DPEP1: variants seen among roughly 807,000 people sequenced by gnomAD.
DPEP1 encodes the protein beta-lactamase.
A neutral mutation model predicts 42.3 loss-of-function variants in DPEP1; 50 were observed. That is an observed-to-expected ratio of 1.18 (90% CI 0.94 to 1.50). The LOEUF is 1.50. Among genes scored for constraint, DPEP1 ranks in the 40% most tolerant of loss-of-function variants. DPEP1 has a pLI of 0.00. For missense variants in DPEP1, 663 were observed against 553.0 expected (o/e 1.20, Z -1.99); for synonymous variants, 297 against 234.0 (o/e 1.27, Z -2.46).
At chr16:89,613,550 T>C (rs1027065444), upstream of DPEP1, 39 of 152,376 alleles carry the variant, frequency 2.6e-4, no homozygotes, top group African/African-American at 9.4e-4. Context: ...CTCTTTCTAC[T>C]TTCAGAGAAC....
At chr16:89,615,240 C>T (rs61230407) in intron 1 of DPEP1, among the ~76,000 whole-genome samples, 5 of 152,200 alleles carry the variant, frequency 3.3e-5, no homozygotes, top group East Asian at 1.9e-4. Flanking sequence ...ACGTAGGCTG[C>T]GGTGGACGGA....
At chr16:89,617,362 C>T (rs570475764) in intron 1 of DPEP1, among the ~76,000 whole-genome samples, 2 of 152,238 alleles carry the variant, frequency 1.3e-5, no homozygotes, top group African/African-American at 2.4e-5. Flanking sequence ...CTCACGAGGC[C>T]ACAGGAGCTC....
chr16:89,620,489 A>C (rs1239891301), intron 1 of DPEP1: 1 of 152,296 alleles, frequency 6.6e-6, no homozygotes, highest in Non-Finnish European at 1.5e-5. Flanking sequence ...AGAGTCCCAG[A>C]AGCCCCTGGG....
intron 1 of DPEP1, among the ~76,000 whole-genome samples, chr16:89,615,827 G>A (rs2059375195): frequency 6.6e-6 from 1 of 152,204 alleles, no homozygotes; most frequent in African/African-American, 2.4e-5. Context: ...GGTGGGGTGT[G>A]AATTGGAGAG....
At position 89,637,280 on chromosome 16, in the gene DPEP1, C is replaced by A; in HGVS notation, c.668C>A (p.Thr223Asn). Reference protein sequence around the residue: ...AHVSVATMKATLQLSRAPVIF... With the variant: ...AHVSVATMKANLQLSRAPVIF... ...GTGTCTGTGGCCACCATGAAGGCCA[C>A]CCTGCAGCTGTCCAGAGCCCCGGTC... The change falls in exon 7 of 11, where the codon ACC becomes AAC. Residue 223 changes from threonine to asparagine, a missense_variant. By Grantham distance (65) the Thr-to-Asn change is moderately conservative. Transcript: ENST00000690203. 1 of 1,612,744 alleles carries A rather than the reference C, an allele frequency of 6.2e-7. No homozygotes were observed. Among genetic ancestry groups the A allele is most frequent in the African/African-American group, 1.3e-5 (1 of 75,058 alleles).
intron 2 of DPEP1, among the ~76,000 whole-genome samples, chr16:89,632,563 G>A (rs557241790): frequency 3.9e-5 from 6 of 152,332 alleles, no homozygotes; most frequent in Non-Finnish European, 7.3e-5. Flanking sequence ...TGTGCTTGCC[G>A]CTTTTCCAGC....
intron 2 of DPEP1, among the ~76,000 whole-genome samples, chr16:89,633,380 C>A (rs996437359): frequency 6.6e-6 from 1 of 152,234 alleles, no homozygotes; most frequent in African/African-American, 2.4e-5. Flanking sequence ...AGGGGTGGGG[C>A]CGGAAAGCGT....
chr16:89,629,198 T>C (rs1404797343), intron 1 of DPEP1, among the ~76,000 whole-genome samples: 1 of 152,186 alleles, frequency 6.6e-6, no homozygotes, highest in Non-Finnish European at 1.5e-5. Flanking sequence ...AAATATTGAA[T>C]GAAAATACGA....
intron 1 of DPEP1, among the ~76,000 whole-genome samples, chr16:89,625,503 A>G (rs2059499577): frequency 6.6e-6 from 1 of 152,180 alleles, no homozygotes; most frequent in African/African-American, 2.4e-5. Flanking sequence ...CTCTATCAGG[A>G]CTATAAACCA....
At chr16:89,633,710 T>G (rs1230331296) in intron 2 of DPEP1, among the ~76,000 whole-genome samples, 39 of 151,106 alleles carry the variant, frequency 2.6e-4, no homozygotes, top group Admixed American at 2.5e-3. Flanking sequence ...ATGTTACAGA[T>G]GGGGAAACTG....
At position 89,637,108 on chromosome 16, in the gene DPEP1, C is replaced by A. The variant is rs1193490862; in HGVS notation, c.592-96C>A. The A allele has an allele frequency of 9.8e-6, 15 of 1,537,666 alleles. No individual in the cohort carries two copies. In the East Asian group the frequency reaches 2.9e-4, roughly 30 times the overall value. On this transcript the variant is annotated intron_variant, in intron 6 of 10. Coordinates refer to ENST00000690203, the MANE Select transcript of DPEP1 (RefSeq NM_001389466.1). ...GCCCTGAGTGGCCCCGGACTTCCAG[C>A]CACGAAGGATGATGACTCACATCTG...
At position 89,628,726 on chromosome 16, in the gene DPEP1, G is replaced by A. The variant is rs79842756; in HGVS notation, c.-106-1579G>A. Among the ~76,000 whole-genome samples the A allele has an allele frequency of 2.1e-3, 316 of 152,220 alleles. 4 individuals carry two copies. The highest frequency in any genetic ancestry group is 7.2e-3 in the African/African-American group (301 of 41,534). On this transcript the variant is annotated intron_variant, in intron 1 of 10. Transcript: ENST00000690203. ...AACATGGATGTTCTCAGAGTCCAGG[G>A]CTGTGTAGATAGTATTGGAGCTGAA...
At chr16:89,628,729 G>A (rs533992798) in intron 1 of DPEP1, among the ~76,000 whole-genome samples, 1 of 152,088 alleles carries the variant, frequency 6.6e-6, no homozygotes, top group African/African-American at 2.4e-5. Flanking sequence ...GTCCAGGGCT[G>A]TGTAGATAGT....
chr16:89,635,056 T>TC (rs1393722688), intron 2 of DPEP1, among the ~76,000 whole-genome samples: 1 of 80,340 alleles, frequency 1.2e-5, no homozygotes, highest in Non-Finnish European at 2.5e-5. Flanking sequence ...CCTTCTCCTT[T>TC]CCCTTCCTTC....
Position 89,636,620 on chromosome 16 carries a change from T to TGCG in DPEP1, c.460_462dup (p.Arg154dup). 6.2e-7 allele frequency: 1 copy of TGCG among 1,612,632 alleles called. No individual in the cohort carries two copies. Among genetic ancestry groups the TGCG allele is most frequent in the South Asian group, 1.1e-5 (1 of 91,090 alleles). ...TCCATTGACAGCAGTTTGGGCGTCCTGCGGGCACTCTATCAGCTGGGCATG... is the reference window on the plus strand; with the variant it reads ...TCCATTGACAGCAGTTTGGGCGTCCTGCGGCGGGCACTCTATCAGCTGGGCATG... On this transcript the variant is annotated inframe_insertion, in exon 5 of 11. Transcript: ENST00000690203.
rs2059711375 is a variant in DPEP1, at chr16:89,638,279, A to G, written c.*57A>G. 6.7e-7 allele frequency: 1 copy of G among 1,481,678 alleles called. No individual in the cohort carries two copies. Among genetic ancestry groups the G allele is most frequent in the African/African-American group, 1.4e-5 (1 of 70,528 alleles). 91.8% of individuals were successfully genotyped at this position (1,481,678 alleles called of 1,614,324 possible). On this transcript the variant is annotated 3_prime_UTR_variant, in exon 11 of 11. Transcript: ENST00000690203. ...CCCGGAGCTCCGGGAAGACCCGCCC[A>G]TCCCAGGACTCCAGATGCCAGGAGC...
At chr16:89,635,548 C>T (rs1167638464) in intron 2 of DPEP1, among the ~76,000 whole-genome samples, 2 of 152,180 alleles carry the variant, frequency 1.3e-5, no homozygotes, top group Non-Finnish European at 2.9e-5. Flanking sequence ...CAGGCCCTTG[C>T]CCCTCACGTC....
intron 1 of DPEP1, among the ~76,000 whole-genome samples, chr16:89,617,167 G>T (rs1196023062): frequency 6.6e-6 from 1 of 152,162 alleles, no homozygotes; most frequent in Non-Finnish European, 1.5e-5. Context: ...GAATTGCCAG[G>T]AATCAAGACA....
downstream of DPEP1, among the ~76,000 whole-genome samples, chr16:89,640,257 C>T (rs2151507741): frequency 6.6e-6 from 1 of 152,332 alleles, no homozygotes; most frequent in Non-Finnish European, 1.5e-5. Context: ...CCTCACAGCC[C>T]CCACAGGCTC....
Sources: allele counts gnomAD v4.1 joint callset (sites outside exome capture counted in the v4.1 genomes callset), GRCh38; gene constraint gnomAD v4.1.1; transcripts MANE v1.5; gene names NCBI Gene and HGNC (gene_info 2026-07-23, HGNC 2026-07-21).